The following KCNQ1 variants were observed in gnomAD, a reference collection of about 807,000 sequenced individuals.
KCNQ1 encodes the protein potassium voltage-gated channel subfamily KQT member 1.
In KCNQ1, 49 loss-of-function variants were observed where a neutral mutation model predicts 72.4. The ratio of observed to expected loss-of-function variants is 0.68; its 90% CI spans 0.54 to 0.86. The LOEUF (loss-of-function observed/expected upper bound fraction) is 0.86, where lower values mean the gene tolerates loss of function less well. Among genes scored for constraint, KCNQ1 ranks in the 40% least tolerant of loss-of-function variants. The pLI is 0.00. For synonymous variants in KCNQ1, 450 were observed against 412.6 expected, an observed-to-expected ratio of 1.09 and a Z score of -1.10; for missense variants, 790 against 945.1, an observed-to-expected ratio of 0.84 and a Z score of 2.15.
chr11:2,497,531 C>A lies in KCNQ1; in HGVS notation c.387-30397C>A, dbSNP rs112301411. On this transcript the variant is annotated intron_variant, in intron 1 of 15. Coordinates refer to ENST00000155840, the MANE Select transcript of KCNQ1 (RefSeq NM_000218.3). The surrounding 1 kb of genome is among the most constrained non-coding windows in gnomAD (Gnocchi z 4.5). ...TCAGCTCCATGAGGTCATTTATGTT[C>A]CTCTCTAAACTGGTTATTCTAGTTA... 6.0e-4 allele frequency among the ~76,000 whole-genome samples: 91 copies of A among 152,268 alleles called. 2 individuals carry two copies. Among genetic ancestry groups the A allele is most frequent in the African/African-American group, 1.9e-3 (81 of 41,542 alleles).
In KCNQ1 at chr11:2,838,328, G is replaced by A. The variant is rs115802432; in HGVS notation, c.1795-9439G>A. 5.9e-3 allele frequency among the ~76,000 whole-genome samples: 896 copies of A among 152,226 alleles called. 8 individuals are homozygous for A. The highest frequency in any genetic ancestry group is 0.02 in the African/African-American group (833 of 41,544). On this transcript the variant is annotated intron_variant, in intron 15 of 15. Transcript: ENST00000155840. ...GCAGAAAGAAGGAAGCAGGCTTGGG[G>A]CTGGGGGCCAGGGACCGGCGCGCCG...
intron 15 of KCNQ1, among the ~76,000 whole-genome samples, chr11:2,844,899 G>A (rs575718165): frequency 5.3e-5 from 8 of 152,342 alleles, no homozygotes; most frequent in African/African-American, 1.4e-4. Context: ...TAAGCCACGC[G>A]GGGCAAACCT....
chr11:2,797,136 G>A (rs956529381), intron 15 of KCNQ1, among the ~76,000 whole-genome samples: 1 of 151,460 alleles, frequency 6.6e-6, no homozygotes, highest in East Asian at 1.9e-4. Flanking sequence ...CCAGAGCCTC[G>A]ATGCCGGCCG....
chr11:2,466,144 C>T (rs897918393), intron 1 of KCNQ1, among the ~76,000 whole-genome samples: 2 of 152,180 alleles, frequency 1.3e-5, no homozygotes, highest in Non-Finnish European at 2.9e-5. Flanking sequence ...TAGGGAGTGT[C>T]GCTGAGGAAG....
At position 2,663,263 on chromosome 11, in the gene KCNQ1, G is replaced by A; in HGVS notation, c.1514+1182G>A. The A allele has an allele frequency of 2.5e-6, 1 of 398,730 alleles. No individual in the cohort carries two copies. Among genetic ancestry groups the A allele is most frequent in the Non-Finnish European group, 4.4e-6 (1 of 226,172 alleles). 24.7% of individuals were successfully genotyped at this position (398,730 alleles called of 1,614,324 possible). A position where few individuals can be genotyped will look rare whatever the true frequency, so the allele number is the denominator to read the frequency against. Reference sequence around the variant, plus strand: ...CTGGAAAGCAGGGGTGACTAGTCATGGACACCCTGAGAATAGGGCTCTGAG... The same window carrying A: ...CTGGAAAGCAGGGGTGACTAGTCATAGACACCCTGAGAATAGGGCTCTGAG... On this transcript the variant is annotated intron_variant, in intron 11 of 15. Transcript: ENST00000155840. This position sits in a 1 kb window ranked among gnomAD's most constrained non-coding sequence, Gnocchi z 5.2.
At chr11:2,802,333 C>A (rs1442572898) in intron 15 of KCNQ1, among the ~76,000 whole-genome samples, 2 of 152,248 alleles carry the variant, frequency 1.3e-5, no homozygotes, top group Non-Finnish European at 2.9e-5. Context: ...AGCACTGGGG[C>A]CACCAGCACA....
Position 2,497,874 on chromosome 11 carries a change from A to G in KCNQ1, c.387-30054A>G, listed in dbSNP as rs1846948272. ...TTTGTGTGGGGGGTCCCTTTTGTTG[A>G]TGTTGATTTTGTTGCTTTCTGTTTG... On this transcript the variant is annotated intron_variant, in intron 1 of 15. Coordinates refer to ENST00000155840, the MANE Select transcript of KCNQ1 (RefSeq NM_000218.3). This position sits in a 1 kb window ranked among gnomAD's most constrained non-coding sequence, Gnocchi z 4.5. 6.6e-6 allele frequency among the ~76,000 whole-genome samples: 1 copy of G among 151,738 alleles called. No homozygotes were observed. The highest frequency in any genetic ancestry group is 6.6e-5 in the Admixed American group (1 of 15,246).
intron 11 of KCNQ1, among the ~76,000 whole-genome samples, chr11:2,757,852 A>G (rs968888604): frequency 6.6e-6 from 1 of 152,256 alleles, no homozygotes; most frequent in Non-Finnish European, 1.5e-5. Flanking sequence ...TTGGTCATTC[A>G]TAGGCCAAAT....
intron 1 of KCNQ1, among the ~76,000 whole-genome samples, chr11:2,470,927 A>G (rs1055384855): frequency 1.3e-5 from 2 of 152,142 alleles, no homozygotes; most frequent in Non-Finnish European, 2.9e-5. Flanking sequence ...CCAAGGGCAC[A>G]GATTTTCTGT....
chr11:2,651,817 G>C lies in KCNQ1; in HGVS notation c.1394-10144G>C, dbSNP rs1446929663. 5.5e-5 allele frequency: 22 copies of C among 398,442 alleles called. No homozygotes were observed. The East Asian group carries it at 7.5e-4, about 14-fold the overall frequency. The allele number at this position is 398,442 out of a possible 1,614,324, so 24.7% of individuals were successfully genotyped here. A position where few individuals can be genotyped will look rare whatever the true frequency, so the allele number is the denominator to read the frequency against. ...TTAAGAGTCCATTAGCATTGGAATG[G>C]AGCCCACAGGACCATACCAGACAGA... On this transcript the variant is annotated intron_variant, in intron 10 of 15. Coordinates refer to ENST00000155840, the MANE Select transcript of KCNQ1 (RefSeq NM_000218.3). This position sits in a 1 kb window ranked among gnomAD's most constrained non-coding sequence, Gnocchi z 6.1.
rs1025234149 is a variant in KCNQ1 at position 2,695,371 on chromosome 11, G to A, written c.1514+33290G>A. 2.5e-5 allele frequency: 10 copies of A among 398,402 alleles called. No homozygotes were observed. The highest frequency in any genetic ancestry group is 1.3e-4 in the Admixed American group (3 of 22,704). 24.7% of individuals were successfully genotyped at this position (398,402 alleles called of 1,614,324 possible). A position where few individuals can be genotyped will look rare whatever the true frequency, so the allele number is the denominator to read the frequency against. On this transcript the variant is annotated intron_variant, in intron 11 of 15. Coordinates refer to ENST00000155840, the MANE Select transcript of KCNQ1 (RefSeq NM_000218.3). The surrounding 1 kb of genome is among the most constrained non-coding windows in gnomAD (Gnocchi z 5.2). The stretch of plus-strand genomic sequence containing the variant: ...ACTCACGAGCACTCCCTAGTACTGC[G>A]TGTCTGGGTGGTGTGTAATTTTAAT...
intron 11 of KCNQ1, chr11:2,693,453 C>T: frequency 2.5e-6 from 1 of 398,684 alleles, no homozygotes; most frequent in African/African-American, 2.1e-5. Context: ...CATCGAGTCC[C>T]CATTCTCTAA....
In KCNQ1 at chr11:2,626,687, C is replaced by T. The variant is rs995044455; in HGVS notation, c.1394-35274C>T. The T allele has an allele frequency of 2.5e-6, 1 of 397,842 alleles. No homozygotes were observed. Among genetic ancestry groups the T allele is most frequent in the Non-Finnish European group, 4.4e-6 (1 of 226,042 alleles). 24.6% of individuals were successfully genotyped at this position (397,842 alleles called of 1,614,324 possible). A position where few individuals can be genotyped will look rare whatever the true frequency, so the allele number is the denominator to read the frequency against. The stretch of plus-strand genomic sequence containing the variant: ...GGGAATAGAAGTGTGTACCATTACA[C>T]CTGGCCAATTATTTTATTTTTTGTA... On this transcript the variant is annotated intron_variant, in intron 10 of 15. Coordinates refer to ENST00000155840, the MANE Select transcript of KCNQ1 (RefSeq NM_000218.3). This position sits in a 1 kb window ranked among gnomAD's most constrained non-coding sequence, Gnocchi z 4.0.
chr11:2,737,750 A>G (rs1046095703), intron 11 of KCNQ1, among the ~76,000 whole-genome samples: 15 of 152,162 alleles, frequency 9.9e-5, no homozygotes, highest in African/African-American at 3.6e-4. Flanking sequence ...TATTAATGCC[A>G]TGTCCACCTC....
At chr11:2,749,065 C>CT (rs1491160653) in intron 11 of KCNQ1, among the ~76,000 whole-genome samples, 1 of 152,250 alleles carries the variant, frequency 6.6e-6, no homozygotes, top group Admixed American at 6.5e-5. Context: ...TAAAAAGTAA[C>CT]TCTGAAACCT....
At chr11:2,649,128 G>A (rs185490370) in intron 10 of KCNQ1, 1 of 397,504 alleles carries the variant, frequency 2.5e-6, no homozygotes, top group African/African-American at 2.1e-5. Flanking sequence ...GTTTCTTATA[G>A]GCAGCATGTA....
intron 2 of KCNQ1, among the ~76,000 whole-genome samples, chr11:2,535,511 A>G (rs1847714430): frequency 6.6e-6 from 1 of 152,074 alleles, no homozygotes; most frequent in Admixed American, 6.5e-5. Context: ...ACTGAGGACC[A>G]CCGGATACAA....
rs1195900183 is a variant in KCNQ1, at chr11:2,703,587, G to A, written c.1514+41506G>A. On this transcript the variant is annotated intron_variant, in intron 11 of 15. Transcript: ENST00000155840. The surrounding 1 kb of genome is among the most constrained non-coding windows in gnomAD (Gnocchi z 6.4). ...CCAAGGTATTTAGAGTGGGGGTGGG[G>A]GATTAGGGGAGGAAGTTGCTGAGCT... Among the ~76,000 whole-genome samples, 2 of 151,746 alleles carry A rather than the reference G, an allele frequency of 1.3e-5. No individual in the cohort carries two copies. Among genetic ancestry groups the A allele is most frequent in the African/African-American group, 4.8e-5 (2 of 41,300 alleles).
chr11:2,689,242 C>A, intron 11 of KCNQ1: 1 of 398,720 alleles, frequency 2.5e-6, no homozygotes, highest in South Asian at 1.3e-4. Context: ...GCTTTGAAGT[C>A]AGCCCTTGGA....
Sources: allele counts gnomAD v4.1 joint callset (sites outside exome capture counted in the v4.1 genomes callset), GRCh38; gene constraint gnomAD v4.1.1; non-coding constraint Gnocchi (gnomAD v3.1); transcripts MANE v1.5; gene names NCBI Gene and HGNC (gene_info 2026-07-23, HGNC 2026-07-21).